The following BAIAP2 variants were observed in gnomAD, a reference collection of about 807,000 sequenced individuals.
BAIAP2 encodes BAR/IMD domain-containing adapter protein 2.
Under a neutral mutation model 63.0 loss-of-function variants are expected in BAIAP2, and 18 were observed. The observed-to-expected ratio is 0.29, with a 90% CI of 0.20 to 0.42. The LOEUF (loss-of-function observed/expected upper bound fraction) is 0.42. Ranked by LOEUF, BAIAP2 falls within the 10% of genes least tolerant of loss-of-function variation. The pLI is 1.00. For synonymous variants in BAIAP2, 386 were observed against 307.6 expected (o/e 1.25, Z -2.67); for missense variants, 610 against 734.3 (o/e 0.83, Z 1.96).
rs1422389374 is a variant in BAIAP2, at chr17:81,085,740, G to A, written c.351+15G>A. The A allele has an allele frequency of 2.5e-6, 4 of 1,609,126 alleles. No homozygotes were observed. The East Asian group carries it at 8.9e-5, about 36-fold the overall frequency. On this transcript the variant is annotated intron_variant, in intron 5 of 13. Coordinates refer to ENST00000428708, the MANE Select transcript of BAIAP2 (RefSeq NM_001144888.2). ...GGTATCTGAGTGTAAGTGCACCCTGGCCGTGCCTGCTGGGCCCTGTGCCTG... is the reference window on the plus strand; with the variant it reads ...GGTATCTGAGTGTAAGTGCACCCTGACCGTGCCTGCTGGGCCCTGTGCCTG...
At chr17:81,099,313 G>T (rs2058171188) in intron 6 of BAIAP2, among the ~76,000 whole-genome samples, 1 of 152,182 alleles carries the variant, frequency 6.6e-6, no homozygotes, top group Admixed American at 6.5e-5. Flanking sequence ...GTCATTCAGA[G>T]CCGGAGCCGG....
chr17:81,084,907 C>A lies in BAIAP2; in HGVS notation c.279+14C>A, dbSNP rs376653089. The A allele has an allele frequency of 6.2e-7, 1 of 1,613,386 alleles. No homozygotes were observed. The highest frequency in any genetic ancestry group is 1.1e-5 in the South Asian group (1 of 91,080). On this transcript the variant is annotated intron_variant, in intron 4 of 13. Coordinates refer to ENST00000428708, the MANE Select transcript of BAIAP2 (RefSeq NM_001144888.2). The stretch of plus-strand genomic sequence containing the variant: ...CTGGAAGAAATGGTGAGTCCACCCC[C>A]AGCGTGGCCCTGCGAGGAGGGGCAG...
chr17:81,064,152 T>A (rs2051064723), intron 3 of BAIAP2, among the ~76,000 whole-genome samples: 1 of 152,252 alleles, frequency 6.6e-6, no homozygotes, highest in African/African-American at 2.4e-5. Flanking sequence ...CTTCCTCCTC[T>A]TCTCATTCCT....
intron 7 of BAIAP2, among the ~76,000 whole-genome samples, chr17:81,102,622 A>AG (rs1278951267): frequency 6.6e-6 from 1 of 152,162 alleles, no homozygotes; most frequent in East Asian, 1.9e-4. Flanking sequence ...CCAGCAGCAG[A>AG]GGGGTAGGGG....
chr17:81,107,996 A>G (rs1418455450), intron 12 of BAIAP2: 1 of 172,998 alleles, frequency 5.8e-6, no homozygotes. Flanking sequence ...CCTCCCAGGC[A>G]GTGTCACCCT....
chr17:81,115,878 C>T lies in BAIAP2; in HGVS notation c.*39C>T, dbSNP rs1568208751. The T allele has an allele frequency of 1.2e-6, 2 of 1,610,892 alleles. No individual in the cohort carries two copies. Among genetic ancestry groups the T allele is most frequent in the Non-Finnish European group, 1.7e-6 (2 of 1,179,030 alleles). ...AGTGCTGCCCATCTGGTGGCTTCCC[C>T]CGCCCTTCCCATGTAGCCTGTTCTG... On this transcript the variant is annotated 3_prime_UTR_variant, in exon 14 of 14. Transcript: ENST00000428708.
intron 3 of BAIAP2, among the ~76,000 whole-genome samples, chr17:81,082,499 C>T (rs925359409): frequency 2.6e-5 from 4 of 152,326 alleles, no homozygotes; most frequent in Non-Finnish European, 5.9e-5. Flanking sequence ...TGTGCGTCCC[C>T]CACCCCTGCC....
At chr17:81,108,595 G>A in intron 13 of BAIAP2, 86 bp downstream of exon 13, 1 of 1,545,808 alleles carries the variant, frequency 6.5e-7, no homozygotes, top group South Asian at 1.1e-5. Context: ...AGGACCTGGG[G>A]CCACCTCTTT....
rs540314260 is a variant in BAIAP2, at chr17:81,099,606, C to G, written c.490-322C>G. 2.0e-5 allele frequency among the ~76,000 whole-genome samples: 3 copies of G among 152,258 alleles called. No individual in the cohort carries two copies. The East Asian group carries it at 5.8e-4, about 30-fold the overall frequency. On this transcript the variant is annotated intron_variant, in intron 6 of 13. Coordinates refer to ENST00000428708, the MANE Select transcript of BAIAP2 (RefSeq NM_001144888.2). ...ACAGGGAGGTGCACGCGACCCCACC[C>G]CACAGCAGGAGCCCTGAGATGAGGC...
Position 81,053,660 on chromosome 17 carries a change from T to A in BAIAP2, c.55-8T>A, listed in dbSNP as rs548605559. On this transcript the variant is annotated splice_region_variant and splice_polypyrimidine_tract_variant and intron_variant, in intron 1 of 13. Transcript: ENST00000428708. ...CAGTAATGCTGTTTCTTCTCTGCTTTCTTCCAGACCATCATGGAGCAGTTC... is the reference window on the plus strand; with the variant it reads ...CAGTAATGCTGTTTCTTCTCTGCTTACTTCCAGACCATCATGGAGCAGTTC... The A allele has an allele frequency of 3.1e-6, 5 of 1,614,086 alleles. No individual in the cohort carries two copies. In the African/African-American group the frequency reaches 5.3e-5, roughly 17 times the overall value.
intron 4 of BAIAP2, 95 bp downstream of exon 4, chr17:81,084,988 C>A: frequency 7.8e-7 from 1 of 1,278,826 alleles, no homozygotes; most frequent in Non-Finnish European, 1.1e-6. Context: ...GGGAACAGTC[C>A]CAGTTGTCCA....
At chr17:81,061,072 C>T (rs561462199) in intron 3 of BAIAP2, among the ~76,000 whole-genome samples, 3 of 152,280 alleles carry the variant, frequency 2.0e-5, no homozygotes, top group East Asian at 1.9e-4. Flanking sequence ...TGCAGTGAGC[C>T]GAGATGGTGC....
chr17:81,039,150 A>G (rs1366259101), intron 1 of BAIAP2, among the ~76,000 whole-genome samples: 1 of 152,176 alleles, frequency 6.6e-6, no homozygotes, highest in Non-Finnish European at 1.5e-5. Context: ...CGCCCTCGCC[A>G]CCGCCAGCCT....
chr17:81,086,651 T>C, intron 6 of BAIAP2, 71 bp downstream of exon 6: 1 of 1,577,106 alleles, frequency 6.3e-7, no homozygotes. Context: ...GCCCCCCTCG[T>C]CCACAGGGAG....
At position 81,116,647 on chromosome 17, in the gene BAIAP2, C is replaced by G. The variant is rs1226054085; in HGVS notation, c.*808C>G. The G allele has an allele frequency of 2.1e-5, 8 of 388,772 alleles. No individual in the cohort carries two copies. The East Asian group carries it at 2.3e-4, about 11-fold the overall frequency. 24.1% of individuals were successfully genotyped at this position (388,772 alleles called of 1,614,324 possible). On this transcript the variant is annotated 3_prime_UTR_variant, in exon 14 of 14. Coordinates refer to ENST00000428708, the MANE Select transcript of BAIAP2 (RefSeq NM_001144888.2). Reference sequence around the variant, plus strand: ...CCAGGACTCCTGGGTGGACCTCCCCCCCCCACCTCCGCTGACTCCTGCAGG... The same window carrying G: ...CCAGGACTCCTGGGTGGACCTCCCCGCCCCACCTCCGCTGACTCCTGCAGG...
intron 13 of BAIAP2, chr17:81,109,714 G>C: frequency 1.0e-6 from 1 of 985,434 alleles, no homozygotes; most frequent in Non-Finnish European, 1.2e-6. Context: ...CGGCACAGTG[G>C]CCTCACCTCC....
intron 3 of BAIAP2, among the ~76,000 whole-genome samples, chr17:81,074,065 A>G (rs1027018234): frequency 6.6e-6 from 1 of 152,268 alleles, no homozygotes; most frequent in Admixed American, 6.5e-5. Context: ...GAGCTTGTCA[A>G]TGGCATCGTC....
In BAIAP2 at chr17:81,038,424, A is replaced by G. The variant is rs551833808; in HGVS notation, c.54+3116A>G. On this transcript the variant is annotated intron_variant, in intron 1 of 13. Coordinates refer to ENST00000428708, the MANE Select transcript of BAIAP2 (RefSeq NM_001144888.2). Reference sequence around the variant, plus strand: ...CACCACCTTCTCTGGGCATAGTGCCATTGGCCCACAGCCTGTCCTAGAATA... The same window carrying G: ...CACCACCTTCTCTGGGCATAGTGCCGTTGGCCCACAGCCTGTCCTAGAATA... 1.5e-3 allele frequency among the ~76,000 whole-genome samples: 224 copies of G among 152,332 alleles called. 3 individuals are homozygous for G. The highest frequency in any genetic ancestry group is 2.2e-3 in the Admixed American group (33 of 15,310).
intron 13 of BAIAP2, among the ~76,000 whole-genome samples, chr17:81,111,502 G>C (rs1253409584): frequency 1.3e-5 from 2 of 152,216 alleles, no homozygotes; most frequent in Non-Finnish European, 1.5e-5. Context: ...TGCCTCTTCT[G>C]TCCCCCAAGC....
Sources: gnomAD v4.1 joint callset for allele counts (sites outside exome capture counted in the v4.1 genomes callset) on GRCh38, gnomAD v4.1.1 for gene constraint, MANE v1.5 for transcripts, NCBI Gene and HGNC (gene_info 2026-07-23, HGNC 2026-07-21) for gene names.